The following FAM193A variants were observed in gnomAD, a reference collection of about 807,000 sequenced individuals.
The protein encoded by FAM193A is family with sequence similarity 193 member A.
Under a neutral mutation model 126.5 loss-of-function variants are expected in FAM193A, and 22 were observed. The ratio of observed to expected loss-of-function variants is 0.17; its 90% CI spans 0.12 to 0.25. FAM193A has a LOEUF of 0.25. Among genes scored for constraint, FAM193A ranks in the 10% least tolerant of loss-of-function variants. The pLI is 1.00. For synonymous variants in FAM193A, 761 were observed against 646.8 expected, an observed-to-expected ratio of 1.18 and a Z score of -2.68; for missense variants, 1,675 against 1,672.8, an observed-to-expected ratio of 1.00 and a Z score of -0.02.
At chr4:2,618,376 A>G (rs1027594535) in intron 2 of FAM193A, among the ~76,000 whole-genome samples, 11 of 152,026 alleles carry the variant, frequency 7.2e-5, no homozygotes, top group African/African-American at 2.4e-4. Flanking sequence ...AGTTTGTCCT[A>G]CAAATGCTTT....
At chr4:2,624,013 C>G (rs34463001) in intron 2 of FAM193A, among the ~76,000 whole-genome samples, 10,148 of 152,172 alleles carry the variant, frequency 0.067, 593 homozygotes, top group African/African-American at 0.15. Flanking sequence ...GCCCCTGTTC[C>G]CAAGGAGCAG....
rs111455170 is a variant in FAM193A, at chr4:2,649,374, G to A, written c.1311+2542G>A. Among the ~76,000 whole-genome samples the A allele has an allele frequency of 4.7e-3, 444 of 94,298 alleles. 1 individual carries two copies. Among genetic ancestry groups the A allele is most frequent in the Middle Eastern group, 0.026 (3 of 114 alleles). The allele number at this position is 94,298 out of a possible 152,430, so 61.9% of individuals were successfully genotyped here. A position where few individuals can be genotyped will look rare whatever the true frequency, so the allele number is the denominator to read the frequency against. On this transcript the variant is annotated intron_variant, in intron 7 of 20. Coordinates refer to ENST00000637812, the MANE Select transcript of FAM193A (RefSeq NM_001366318.2). ...TGGGTGACAGAGTGAGACCCTGTCT[G>A]AAAAAAAAAAAAAAAAAGCCAGGCT...
At chr4:2,664,785 G>A (rs986524537) in intron 12 of FAM193A, among the ~76,000 whole-genome samples, 2 of 151,804 alleles carry the variant, frequency 1.3e-5, no homozygotes, top group South Asian at 2.1e-4. Flanking sequence ...GGCTGGTCTC[G>A]AACTCCTGAC....
chr4:2,706,291 CTTTTTTTTTTTTTTT>C (rs59143784), intron 19 of FAM193A, among the ~76,000 whole-genome samples: 2 of 108,620 alleles, frequency 1.8e-5, no homozygotes, highest in Non-Finnish European at 3.6e-5. Flanking sequence ...TTCTTTCTTT[CTTTTTTTTTTTTTTT>C]TTTTTTTGAG....
chr4:2,568,699 G>A (rs1305254358), intron 1 of FAM193A, among the ~76,000 whole-genome samples: 1 of 152,128 alleles, frequency 6.6e-6, no homozygotes, highest in Non-Finnish European at 1.5e-5. Flanking sequence ...GGGAAAAAAC[G>A]AGAAGCATTC....
chr4:2,693,529 C>T (rs772803648), intron 15 of FAM193A, 57 bp from the exon 16 acceptor site: 4 of 1,520,498 alleles, frequency 2.6e-6, no homozygotes, highest in Non-Finnish European at 3.6e-6. Context: ...AGATTTTCTA[C>T]AGGTTTGAAC....
At chr4:2,704,076 G>A (rs1274663946) in intron 19 of FAM193A, among the ~76,000 whole-genome samples, 1 of 150,818 alleles carries the variant, frequency 6.6e-6, no homozygotes, top group Non-Finnish European at 1.5e-5. Flanking sequence ...GACCATGCTG[G>A]CCAACATGAA....
At chr4:2,580,503 C>T (rs1439261514) in intron 1 of FAM193A, among the ~76,000 whole-genome samples, 2 of 152,054 alleles carry the variant, frequency 1.3e-5, no homozygotes, top group Non-Finnish European at 2.9e-5. Context: ...AAATGTGACC[C>T]CCACCCCCCA....
At chr4:2,704,019 A>G (rs182901778) in intron 19 of FAM193A, among the ~76,000 whole-genome samples, 11 of 150,266 alleles carry the variant, frequency 7.3e-5, no homozygotes, top group African/African-American at 2.4e-4. Context: ...TGTTATCCCA[A>G]CATGTTGGGA....
At chr4:2,630,883 A>C in intron 4 of FAM193A, 52 bp from the exon 5 acceptor site, 1 of 1,023,892 alleles carries the variant, frequency 9.8e-7, no homozygotes, top group Non-Finnish European at 1.5e-6. Flanking sequence ...CTGACATCAG[A>C]GCACCCATGG....
intron 2 of FAM193A, among the ~76,000 whole-genome samples, chr4:2,619,348 G>T (rs547552710): frequency 2.6e-5 from 4 of 151,972 alleles, no homozygotes; most frequent in African/African-American, 9.7e-5. Context: ...TGTCACCCAG[G>T]CTGGACTGCA....
intron 17 of FAM193A, 22 bp from the exon 18 acceptor site, chr4:2,696,341 A>G (rs1438244739): frequency 1.3e-6 from 2 of 1,548,004 alleles, no homozygotes; most frequent in East Asian, 2.3e-5. Flanking sequence ...AAACTTAAGC[A>G]TAACTTTGTT....
intron 1 of FAM193A, among the ~76,000 whole-genome samples, chr4:2,584,932 GA>G (rs896448881): frequency 4.1e-4 from 59 of 145,084 alleles, no homozygotes; most frequent in Non-Finnish European, 6.5e-4. Context: ...TCAAAAAAAG[GA>G]AAAAAAAAAC....
At chr4:2,568,973 C>CTTTT (rs753557878) in intron 1 of FAM193A, among the ~76,000 whole-genome samples, 78 of 90,714 alleles carry the variant, frequency 8.6e-4, no homozygotes, top group African/African-American at 1.1e-3. Flanking sequence ...TGTTGTTTTG[C>CTTTT]TTTTTTTTTT....
At chr4:2,577,759 T>C (rs1055419616) in intron 1 of FAM193A, among the ~76,000 whole-genome samples, 4 of 152,190 alleles carry the variant, frequency 2.6e-5, no homozygotes, top group African/African-American at 9.7e-5. Flanking sequence ...AGTAACAACT[T>C]GTTCCCATTC....
chr4:2,679,375 CTTT>C (rs796366785), intron 13 of FAM193A, among the ~76,000 whole-genome samples: 2 of 87,848 alleles, frequency 2.3e-5, no homozygotes, highest in African/African-American at 7.8e-5. Context: ...AGTTTTCTTT[CTTT>C]TTTTTTTTTT....
Position 2,700,219 on chromosome 4 carries a change from G to C in FAM193A, c.4047G>C (p.Glu1349Asp). The change falls in exon 19 of 21, where the codon GAG (glutamate) becomes GAC (aspartate). Residue 1349 changes from glutamate (E) to aspartate (D), a missense_variant. By Grantham distance (45) the Glu-to-Asp change is conservative (BLOSUM62 2). Around this residue, in one of 4 missense-constraint regions of FAM193A, gnomAD observed 415 missense variants for 396.7 expected, o/e 1.05. Coordinates refer to ENST00000637812, the MANE Select transcript of FAM193A (RefSeq NM_001366318.2). ...GGCAGACCAGCAAGGCCAGCAGCGAGCCAGCGAGGAGGCCCACAGAGCCCC... is the reference window on the plus strand; with the variant it reads ...GGCAGACCAGCAAGGCCAGCAGCGACCCAGCGAGGAGGCCCACAGAGCCCC... ...KLRQTSKASS[E>D]PARRPTEPPK... 6.2e-7 allele frequency: 1 copy of C among 1,613,996 alleles called. No individual in the cohort carries two copies. The highest frequency in any genetic ancestry group is 8.5e-7 in the Non-Finnish European group (1 of 1,180,008).
Position 2,672,129 on chromosome 4 carries a change from A to G in FAM193A, c.2088A>G (p.Gln696=). Residue 696 remains glutamine, a synonymous_variant, in exon 13 of 21, where the codon CAA becomes CAG. Transcript: ENST00000637812. ...PPSYPTQQAE[Q]APNTCECHVC... Reference sequence around the variant, plus strand: ...TTTTTCTTTCCTCTTAGGCTGAACAAGCTCCAAACACTTGTGAATGTCATG... The same window carrying G: ...TTTTTCTTTCCTCTTAGGCTGAACAGGCTCCAAACACTTGTGAATGTCATG... 6.8e-6 allele frequency: 11 copies of G among 1,614,164 alleles called. No individual in the cohort carries two copies. The highest frequency in any genetic ancestry group is 2.2e-5 in the East Asian group (1 of 44,884).
At chr4:2,648,248 G>T (rs1304453962) in intron 7 of FAM193A, among the ~76,000 whole-genome samples, 1 of 152,164 alleles carries the variant, frequency 6.6e-6, no homozygotes, top group Non-Finnish European at 1.5e-5. Flanking sequence ...TTCGTCACAT[G>T]CGGAATTCTG....
Sources: gnomAD v4.1 joint callset for allele counts (sites outside exome capture counted in the v4.1 genomes callset) on GRCh38, gnomAD v4.1.1 for gene constraint, gnomAD v4.1.1 regional missense constraint, MANE v1.5 for transcripts, NCBI Gene and HGNC (gene_info 2026-07-23, HGNC 2026-07-21) for gene names.